The following ECPAS variants were observed in gnomAD, a reference collection of about 807,000 sequenced individuals.
ECPAS encodes Ecm29 proteasome adaptor and scaffold.
A neutral mutation model predicts 255.1 loss-of-function variants in ECPAS; 70 were observed. The observed-to-expected ratio is 0.27, with a 90% CI of 0.23 to 0.33. The LOEUF (loss-of-function observed/expected upper bound fraction) is 0.33. Among genes scored for constraint, ECPAS ranks in the 10% least tolerant of loss-of-function variants. ECPAS has a pLI of 1.00. For missense variants in ECPAS, 1,817 were observed against 2,206.4 expected (o/e 0.82, Z 3.54); for synonymous variants, 784 against 775.0 (o/e 1.01, Z -0.19).
At chr9:111,371,435 G>A (rs961719449) in intron 43 of ECPAS, among the ~76,000 whole-genome samples, 186 bp downstream of exon 43, 1 of 152,156 alleles carries the variant, frequency 6.6e-6, no homozygotes, top group African/African-American at 2.4e-5. Flanking sequence ...AGGCCACACG[G>A]GTTGCAGTTT....
chr9:111,392,367 A>C (rs944009521), intron 28 of ECPAS, among the ~76,000 whole-genome samples: 1 of 152,244 alleles, frequency 6.6e-6, no homozygotes, highest in African/African-American at 2.4e-5. Context: ...AGCACATGAA[A>C]AACTATCCTT....
chr9:111,408,983 T>C (rs2098189629), intron 23 of ECPAS, among the ~76,000 whole-genome samples: 1 of 152,150 alleles, frequency 6.6e-6, no homozygotes, highest in Non-Finnish European at 1.5e-5. Flanking sequence ...TAGGACCAAA[T>C]CACATCTCAA....
intron 45 of ECPAS, among the ~76,000 whole-genome samples, chr9:111,370,075 G>A (rs141470736): frequency 3.4e-4 from 52 of 152,252 alleles, no homozygotes; most frequent in African/African-American, 1.2e-3. Context: ...GCCATCTAGC[G>A]GTGCCCAGGA....
chr9:111,426,660 A>G (rs2098222076), intron 10 of ECPAS, among the ~76,000 whole-genome samples: 1 of 150,454 alleles, frequency 6.6e-6, no homozygotes, highest in Non-Finnish European at 1.5e-5. Flanking sequence ...ATTCAAGGCC[A>G]GTCTGGGCAA....
intron 6 of ECPAS, among the ~76,000 whole-genome samples, 173 bp downstream of exon 6, chr9:111,440,199 T>C (rs2098243896): frequency 6.6e-6 from 1 of 152,106 alleles, no homozygotes; most frequent in South Asian, 2.1e-4. Flanking sequence ...AACTCAGCAT[T>C]TGTAAAGCCG....
At chr9:111,430,414 C>T (rs1365149743) in intron 9 of ECPAS, 133 bp downstream of exon 9, 2 of 668,550 alleles carry the variant, frequency 3.0e-6, no homozygotes, top group East Asian at 5.6e-5. Context: ...TCTAAACTAG[C>T]ATGACTTAAA....
chr9:111,405,356 T>C (rs2098182421), intron 24 of ECPAS, among the ~76,000 whole-genome samples: 1 of 149,536 alleles, frequency 6.7e-6, no homozygotes, highest in East Asian at 2.0e-4. Context: ...AAACTAGATA[T>C]CCACATGTAG....
At chr9:111,364,137 C>A (rs1382095658) in intron 48 of ECPAS, among the ~76,000 whole-genome samples, 1 of 152,136 alleles carries the variant, frequency 6.6e-6, no homozygotes, top group African/African-American at 2.4e-5. Context: ...ATGCTGCTGC[C>A]AACAACTGCG....
At chr9:111,369,796 A>T (rs2131496045) in intron 45 of ECPAS, among the ~76,000 whole-genome samples, 1 of 152,258 alleles carries the variant, frequency 6.6e-6, no homozygotes, top group East Asian at 1.9e-4. Context: ...TTTCCACATG[A>T]AACTTGAGTC....
At chr9:111,474,843 G>C (rs573850602) in intron 1 of ECPAS, among the ~76,000 whole-genome samples, 5 of 152,172 alleles carry the variant, frequency 3.3e-5, no homozygotes, top group Non-Finnish European at 1.5e-5. Flanking sequence ...GACTTGCAAA[G>C]GTAAGGTAAT....
chr9:111,462,231 A>T (rs1352448813), intron 2 of ECPAS, among the ~76,000 whole-genome samples: 1 of 152,224 alleles, frequency 6.6e-6, no homozygotes, highest in Non-Finnish European at 1.5e-5. Flanking sequence ...GAGTCTGAAA[A>T]ATATGATTAG....
At chr9:111,472,835 A>G in intron 2 of ECPAS, 62 bp downstream of exon 2, 1 of 463,468 alleles carries the variant, frequency 2.2e-6, no homozygotes, top group African/African-American at 2.1e-5. Context: ...CTGATAACCT[A>G]TGCATTTTTA....
In ECPAS at chr9:111,373,904, T is replaced by C. The variant is rs1010383205; in HGVS notation, c.4177+68A>G. The stretch of plus-strand genomic sequence containing the variant: ...GGTCTGAATGATAAGTATTTTTCCT[T>C]TTTAAAACTCTGTCACACAAGACAG... On this transcript the variant is annotated intron_variant, in intron 39 of 49. Transcript: ENST00000684092. 4.8e-6 allele frequency: 6 copies of C among 1,258,762 alleles called. No individual in the cohort carries two copies. In the Middle Eastern group the frequency reaches 7.5e-4, roughly 157 times the overall value. 78.0% of individuals were successfully genotyped at this position (1,258,762 alleles called of 1,614,324 possible). A position where few individuals can be genotyped will look rare whatever the true frequency, so the allele number is the denominator to read the frequency against.
At chr9:111,480,351 G>A (rs1244709374) in intron 1 of ECPAS, among the ~76,000 whole-genome samples, 4 of 135,448 alleles carry the variant, frequency 3.0e-5, no homozygotes, top group Non-Finnish European at 6.1e-5. Context: ...AGGCTGGAGT[G>A]CAGCGGCACA....
chr9:111,481,183 G>C (rs1028191187), intron 1 of ECPAS, among the ~76,000 whole-genome samples: 1 of 152,196 alleles, frequency 6.6e-6, no homozygotes, highest in African/African-American at 2.4e-5. Context: ...AATGTAAAAT[G>C]GTACAACCAC....
chr9:111,377,666 G>C (rs1343121073), intron 36 of ECPAS, among the ~76,000 whole-genome samples: 2 of 152,142 alleles, frequency 1.3e-5, no homozygotes, highest in Non-Finnish European at 2.9e-5. Flanking sequence ...TTTTAAATTA[G>C]TATGTTTGTT....
chr9:111,396,155 T>TA (rs2098167329), intron 25 of ECPAS, among the ~76,000 whole-genome samples: 3 of 152,222 alleles, frequency 2.0e-5, no homozygotes, highest in African/African-American at 7.2e-5. Context: ...CTTGAGAGGA[T>TA]AAAATATAAA....
At chr9:111,483,844 G>A (rs1174137367) in intron 1 of ECPAS, 10 of 306,010 alleles carry the variant, frequency 3.3e-5, no homozygotes, top group Non-Finnish European at 4.3e-5. Context: ...CCGCGCGGCG[G>A]CTCTGCGACT....
chr9:111,417,148 TG>T (rs1379272073), intron 17 of ECPAS, among the ~76,000 whole-genome samples: 2 of 151,132 alleles, frequency 1.3e-5, no homozygotes. Flanking sequence ...CTGAGGAGGG[TG>T]GATCACTTGA....
Sources: gnomAD v4.1 joint callset for allele counts (sites outside exome capture counted in the v4.1 genomes callset) on GRCh38, gnomAD v4.1.1 for gene constraint, MANE v1.5 for transcripts, NCBI Gene and HGNC (gene_info 2026-07-23, HGNC 2026-07-21) for gene names.